The following SDAD1 variants were observed in gnomAD, a reference collection of about 807,000 sequenced individuals.
The protein encoded by SDAD1 is SDA1 domain containing 1, also known as protein SDA1 homolog.
In SDAD1, 79 loss-of-function variants were observed where a neutral mutation model predicts 100.3. The observed-to-expected ratio is 0.79, with a 90% CI of 0.66 to 0.95. The LOEUF (loss-of-function observed/expected upper bound fraction) is 0.95. SDAD1 is among the 40% of genes least tolerant of loss of function. The pLI, the probability that SDAD1 is intolerant of heterozygous loss-of-function variation, is 0.00. For synonymous variants in SDAD1, 267 were observed against 271.4 expected (o/e 0.98, Z 0.16); for missense variants, 790 against 810.9 (o/e 0.97, Z 0.31).
intron 13 of SDAD1, among the ~76,000 whole-genome samples, chr4:75,964,798 G>T (rs960854166): frequency 6.6e-6 from 1 of 152,166 alleles, no homozygotes; most frequent in African/African-American, 2.4e-5. Context: ...TGCAATCTCT[G>T]AACATAAATT....
intron 14 of SDAD1, 148 bp from the exon 15 acceptor site, chr4:75,961,456 G>A: frequency 1.6e-6 from 1 of 609,992 alleles, no homozygotes. Context: ...GCATGTTAGA[G>A]AATGTCAGGT....
chr4:75,964,323 T>C (rs1729417000), intron 13 of SDAD1, 112 bp from the exon 14 acceptor site: 1 of 726,104 alleles, frequency 1.4e-6, no homozygotes, highest in Admixed American at 2.8e-5. Context: ...CCTTCCACCT[T>C]CAGTTTAGGA....
At chr4:75,963,302 G>A (rs1367501306) in intron 14 of SDAD1, among the ~76,000 whole-genome samples, 25 of 136,844 alleles carry the variant, frequency 1.8e-4, no homozygotes, top group Non-Finnish European at 3.9e-4. Flanking sequence ...TAGCCTTGTA[G>A]TATAGTTTGA....
At chr4:75,956,252 T>C (rs757035425) in intron 20 of SDAD1, 116 bp from the exon 21 acceptor site, 31 of 1,034,984 alleles carry the variant, frequency 3.0e-5, no homozygotes, top group Non-Finnish European at 4.2e-5. Flanking sequence ...GGGCACAGAA[T>C]GGACAGGACA....
chr4:75,972,173 A>G (rs1020727387), intron 8 of SDAD1, among the ~76,000 whole-genome samples: 2 of 151,968 alleles, frequency 1.3e-5, no homozygotes, highest in African/African-American at 4.8e-5. Context: ...ACTGACCTCA[A>G]GTGATCTGCC....
At chr4:75,961,176 A>G (rs777484376) in intron 15 of SDAD1, 35 bp downstream of exon 15, 1 of 1,605,492 alleles carries the variant, frequency 6.2e-7, no homozygotes, top group Admixed American at 1.7e-5. Context: ...GTCACACTGT[A>G]CTCTTTGGTG....
chr4:75,959,272 T>C (rs920522623), intron 17 of SDAD1, among the ~76,000 whole-genome samples: 25 of 152,090 alleles, frequency 1.6e-4, no homozygotes, highest in Non-Finnish European at 3.2e-4. Context: ...CATCTTTGCA[T>C]TGGCAGTGGC....
intron 21 of SDAD1, among the ~76,000 whole-genome samples, chr4:75,954,459 G>T (rs895713892): frequency 6.6e-6 from 1 of 151,476 alleles, no homozygotes; most frequent in Non-Finnish European, 1.5e-5. Flanking sequence ...GACTGCTTGA[G>T]TCCAGCAGTT....
chr4:75,978,162 T>C (rs1219955578), intron 3 of SDAD1, among the ~76,000 whole-genome samples: 1 of 151,722 alleles, frequency 6.6e-6, no homozygotes, highest in Non-Finnish European at 1.5e-5. Flanking sequence ...TTTATGACCT[T>C]ACGAGGCATT....
At chr4:75,980,590 G>A (rs1456012714) in intron 3 of SDAD1, among the ~76,000 whole-genome samples, 1 of 149,348 alleles carries the variant, frequency 6.7e-6, no homozygotes, top group Non-Finnish European at 1.5e-5. Context: ...GAAGGAAGGA[G>A]GATAGTGCAG....
At chr4:75,972,881 C>T (rs566556152) in intron 8 of SDAD1, among the ~76,000 whole-genome samples, 2 of 151,930 alleles carry the variant, frequency 1.3e-5, no homozygotes, top group South Asian at 4.2e-4. Flanking sequence ...ATTAGCCAGG[C>T]GTGGTGGCGG....
At chr4:75,976,743 T>G (rs898280245) in intron 4 of SDAD1, among the ~76,000 whole-genome samples, 2 of 150,100 alleles carry the variant, frequency 1.3e-5, no homozygotes, top group Admixed American at 1.3e-4. Flanking sequence ...AAAGTGTTAT[T>G]AAAAAAAAAA....
intron 3 of SDAD1, 105 bp from the exon 4 acceptor site, chr4:75,977,861 C>A: frequency 1.5e-6 from 1 of 673,008 alleles, no homozygotes; most frequent in Non-Finnish European, 2.6e-6. Flanking sequence ...TAACTAGACA[C>A]TATTGTAGGA....
intron 21 of SDAD1, among the ~76,000 whole-genome samples, chr4:75,951,055 C>T (rs1728604562): frequency 6.6e-6 from 1 of 152,122 alleles, no homozygotes; most frequent in Non-Finnish European, 1.5e-5. Context: ...CTATGGAATG[C>T]AGAGACTACT....
At chr4:75,979,935 G>C (rs1359984921) in intron 3 of SDAD1, among the ~76,000 whole-genome samples, 1 of 151,930 alleles carries the variant, frequency 6.6e-6, no homozygotes, top group African/African-American at 2.4e-5. Flanking sequence ...TCAAACTCCT[G>C]ACCTCAAGCA....
chr4:75,986,362 C>A lies in SDAD1; in HGVS notation c.91-4325G>T, dbSNP rs149433809. 2.3e-3 allele frequency among the ~76,000 whole-genome samples: 355 copies of A among 152,266 alleles called. 2 individuals carry two copies. The highest frequency in any genetic ancestry group is 8.0e-3 in the African/African-American group (333 of 41,552). Reference sequence around the variant, plus strand: ...TTCACTTTCCCACTTTTCTGGACAACCATTTCATACTTTGCAATCTGTCCT... The same window carrying A: ...TTCACTTTCCCACTTTTCTGGACAAACATTTCATACTTTGCAATCTGTCCT... On this transcript the variant is annotated intron_variant, in intron 1 of 21. Transcript: ENST00000356260.
At chr4:75,968,968 T>C (rs535567238) in intron 11 of SDAD1, among the ~76,000 whole-genome samples, 11 of 140,416 alleles carry the variant, frequency 7.8e-5, no homozygotes, top group South Asian at 4.5e-4. Context: ...GAGGTGGAGG[T>C]TGCAGTGAGC....
At chr4:75,956,358 G>C (rs916200789) in intron 20 of SDAD1, among the ~76,000 whole-genome samples, 1 of 151,778 alleles carries the variant, frequency 6.6e-6, no homozygotes. Flanking sequence ...AGCCTGGTGA[G>C]GTCAGGGGAA....
chr4:75,988,503 C>T (rs1731035309), intron 1 of SDAD1, among the ~76,000 whole-genome samples: 1 of 152,194 alleles, frequency 6.6e-6, no homozygotes, highest in Non-Finnish European at 1.5e-5. Flanking sequence ...TTTAAAACTG[C>T]AATACCCATC....
Sources: allele counts gnomAD v4.1 joint callset (sites outside exome capture counted in the v4.1 genomes callset), GRCh38; gene constraint gnomAD v4.1.1; transcripts MANE v1.5; gene names NCBI Gene and HGNC (gene_info 2026-07-23, HGNC 2026-07-21).